The following LRMDA variants were observed in gnomAD, a reference collection of about 807,000 sequenced individuals.
LRMDA encodes the protein leucine rich melanocyte differentiation associated, also known as leucine-rich melanocyte differentiation-associated protein.
In LRMDA, 18 loss-of-function variants were observed where a neutral mutation model predicts 29.8. The observed-to-expected ratio is 0.60, with a 90% CI of 0.42 to 0.90. LRMDA has a LOEUF of 0.90. Among genes scored for constraint, LRMDA ranks in the 40% least tolerant of loss-of-function variants. The pLI, the probability that LRMDA is intolerant of heterozygous loss-of-function variation, is 0.00. For synonymous variants in LRMDA, 125 were observed against 109.4 expected (o/e 1.14, Z -0.89); for missense variants, 273 against 273.9 (o/e 1.00, Z 0.02).
intron 2 of LRMDA, among the ~76,000 whole-genome samples, chr10:75,800,517 A>C (rs974775511): frequency 1.3e-5 from 2 of 151,910 alleles, no homozygotes; most frequent in Non-Finnish European, 2.9e-5. Flanking sequence ...GGCTCACTCA[A>C]ACCTCCGCCT....
chr10:76,465,074 G>A (rs1842551129), intron 6 of LRMDA: 1 of 152,158 alleles, frequency 6.6e-6, no homozygotes, highest in African/African-American at 2.4e-5. Context: ...CAGGATTGAG[G>A]TAAGTCTATA....
chr10:75,916,127 GGGGCTGTCAGGAAT>G (rs1382070840), intron 2 of LRMDA, among the ~76,000 whole-genome samples: 3 of 152,028 alleles, frequency 2.0e-5, no homozygotes, highest in Admixed American at 6.6e-5. Flanking sequence ...TTTCAGCTCT[GGGGCTGTCAGGAAT>G]GGGCATGGCC....
At chr10:75,761,500 G>A (rs1483692038) in intron 2 of LRMDA, among the ~76,000 whole-genome samples, 1 of 152,124 alleles carries the variant, frequency 6.6e-6, no homozygotes, top group East Asian at 1.9e-4. Context: ...CATAGAGACA[G>A]AAAGAAGCAT....
chr10:76,225,696 T>TTTTTTTTATTTATTTA (rs1554856611), intron 5 of LRMDA, among the ~76,000 whole-genome samples: 1 of 144,990 alleles, frequency 6.9e-6, no homozygotes, highest in African/African-American at 2.5e-5. Context: ...GGGTAATTTA[T>TTTTTTTTATTTATTTA]TTTATTTATT....
At chr10:76,370,276 G>T (rs1489005711) in intron 6 of LRMDA, among the ~76,000 whole-genome samples, 3 of 152,034 alleles carry the variant, frequency 2.0e-5, no homozygotes, top group Non-Finnish European at 4.4e-5. Context: ...AACCCATCCA[G>T]CTATAAAGAG....
Position 75,903,379 on chromosome 10 carries a change from C to T in LRMDA, c.132-132629C>T, listed in dbSNP as rs540833707. ...CTAAATTGGTACATTAGGGCAAAAA[C>T]GATGTCCACATTTGCATAGTTGATT... On this transcript the variant is annotated intron_variant, in intron 2 of 6. Transcript: ENST00000611255. Among the ~76,000 whole-genome samples the T allele has an allele frequency of 4.6e-5, 7 of 152,238 alleles. No homozygotes were observed. The South Asian group carries it at 1.0e-3, about 23-fold the overall frequency.
At chr10:76,160,207 T>C (rs868854813) in intron 5 of LRMDA, among the ~76,000 whole-genome samples, 1 of 139,476 alleles carries the variant, frequency 7.2e-6, no homozygotes, top group Middle Eastern at 3.4e-3. Flanking sequence ...AGAGAAGTCT[T>C]TTTTTTTTTT....
rs1199541135 is a variant in LRMDA at position 76,014,455 on chromosome 10, C to T, written c.132-21553C>T. 2.0e-5 allele frequency among the ~76,000 whole-genome samples: 3 copies of T among 152,012 alleles called. No homozygotes were observed. In the East Asian group the frequency reaches 5.8e-4, roughly 29 times the overall value. The stretch of plus-strand genomic sequence containing the variant: ...CAAATAAATGACTTGCTCTCACATC[C>T]TCACTTCAAGATCTGTTTCTAGGAA... On this transcript the variant is annotated intron_variant, in intron 2 of 6. Transcript: ENST00000611255.
chr10:75,853,528 G>A (rs10047306), intron 2 of LRMDA, among the ~76,000 whole-genome samples: 5,245 of 152,048 alleles, frequency 0.034, 247 homozygotes, highest in African/African-American at 0.11. Context: ...AGTGAGTGGT[G>A]CAAATTCTCA....
intron 6 of LRMDA, among the ~76,000 whole-genome samples, chr10:76,420,449 AC>A (rs1842061197): frequency 6.6e-6 from 1 of 151,564 alleles, no homozygotes; most frequent in Non-Finnish European, 1.5e-5. Context: ...TCTCATTCCT[AC>A]CCCCATCCCA....
At chr10:76,481,191 G>A (rs539902435) in intron 6 of LRMDA, among the ~76,000 whole-genome samples, 23 of 151,898 alleles carry the variant, frequency 1.5e-4, no homozygotes, top group East Asian at 5.8e-4. Flanking sequence ...TAAAGCTTAC[G>A]TATATTTTCT....
intron 6 of LRMDA, among the ~76,000 whole-genome samples, chr10:76,362,020 G>A (rs903964414): frequency 2.6e-5 from 4 of 152,154 alleles, no homozygotes; most frequent in Non-Finnish European, 5.9e-5. Context: ...CTCCCGACTG[G>A]CAAATGAGTT....
chr10:76,039,965 T>C (rs1848314332), intron 3 of LRMDA, among the ~76,000 whole-genome samples: 1 of 152,210 alleles, frequency 6.6e-6, no homozygotes, highest in African/African-American at 2.4e-5. Context: ...TTAGAATGGT[T>C]CTTTGACTTG....
intron 2 of LRMDA, among the ~76,000 whole-genome samples, chr10:75,831,037 G>A (rs1438157454): frequency 6.6e-6 from 1 of 152,098 alleles, no homozygotes; most frequent in Non-Finnish European, 1.5e-5. Flanking sequence ...AATCCAGCAG[G>A]GAAGTCAAAT....
chr10:75,683,299 A>T (rs941436209), intron 2 of LRMDA, among the ~76,000 whole-genome samples: 16 of 152,178 alleles, frequency 1.1e-4, no homozygotes, highest in African/African-American at 3.4e-4. Context: ...AAAGGGAAAC[A>T]TGTAGATCGT....
At chr10:76,034,641 G>A (rs906718882) in intron 2 of LRMDA, among the ~76,000 whole-genome samples, 2 of 152,192 alleles carry the variant, frequency 1.3e-5, no homozygotes, top group African/African-American at 4.8e-5. Context: ...ATCCCACAAG[G>A]GAGCTATGGA....
chr10:76,152,791 G>A (rs930201286), intron 5 of LRMDA, among the ~76,000 whole-genome samples: 2 of 151,578 alleles, frequency 1.3e-5, no homozygotes, highest in East Asian at 1.9e-4. Context: ...ATCTTTTCAT[G>A]TGCTCTTTGA....
intron 5 of LRMDA, among the ~76,000 whole-genome samples, chr10:76,130,976 T>C (rs1464354054): frequency 6.6e-6 from 1 of 152,176 alleles, no homozygotes; most frequent in Non-Finnish European, 1.5e-5. Context: ...CCTAGCCTAT[T>C]GTATACAATG....
intron 6 of LRMDA, among the ~76,000 whole-genome samples, chr10:76,444,940 T>C (rs957472935): frequency 2.0e-5 from 3 of 152,150 alleles, no homozygotes; most frequent in Admixed American, 6.6e-5. Flanking sequence ...CATGTGTACA[T>C]ATATATGTAT....
Sources: allele counts gnomAD v4.1 joint callset (sites outside exome capture counted in the v4.1 genomes callset), GRCh38; gene constraint gnomAD v4.1.1; transcripts MANE v1.5; gene names NCBI Gene and HGNC (gene_info 2026-07-23, HGNC 2026-07-21).